TNR: variants seen among roughly 807,000 people sequenced by gnomAD.
TNR encodes tenascin-R.
A neutral mutation model predicts 150.4 loss-of-function variants in TNR; 45 were observed. The ratio of observed to expected loss-of-function variants is 0.30; its 90% CI spans 0.24 to 0.38. The LOEUF (loss-of-function observed/expected upper bound fraction) is 0.38. TNR is among the 10% of genes least tolerant of loss of function. TNR has a pLI of 1.00. For synonymous variants in TNR, 687 were observed against 678.4 expected, an observed-to-expected ratio of 1.01 and a Z score of -0.20; for missense variants, 1,544 against 1,759.1, an observed-to-expected ratio of 0.88 and a Z score of 2.19.
intron 2 of TNR, among the ~76,000 whole-genome samples, chr1:175,431,698 C>A (rs1655270393): frequency 6.6e-6 from 1 of 151,178 alleles, no homozygotes; most frequent in South Asian, 2.1e-4. Context: ...CCATGCTTTC[C>A]AGCACAGTCA....
At position 175,406,630 on chromosome 1, in the gene TNR, A is replaced by T. The variant is rs1335619286; in HGVS notation, c.85T>A (p.Ser29Thr). 7 of 1,614,094 alleles carry T rather than the reference A, an allele frequency of 4.3e-6. No homozygotes were observed. The Admixed American group carries it at 8.3e-5, about 19-fold the overall frequency. ...LILLGSMIKP[S>T]ECQLEVTTER... ...GTGGTGACCTCCAGCTGACACTCTG[A>T]AGGCTTGATCATGGAGCCCAGAAGG... The change falls in exon 3 of 23, where the codon TCA becomes ACA. Residue 29 changes from serine to threonine, a missense_variant. By Grantham distance (58) the Ser-to-Thr change is moderately conservative. Coordinates refer to ENST00000367674, the MANE Select transcript of TNR (RefSeq NM_003285.3).
chr1:175,527,650 G>A (rs575744530), intron 2 of TNR, among the ~76,000 whole-genome samples: 2 of 152,276 alleles, frequency 1.3e-5, no homozygotes, highest in South Asian at 4.2e-4. Flanking sequence ...AATATTCACT[G>A]TGCCTGACAA....
intron 2 of TNR, among the ~76,000 whole-genome samples, chr1:175,520,692 TTC>T (rs933368720): frequency 6.6e-6 from 1 of 151,620 alleles, no homozygotes; most frequent in Non-Finnish European, 1.5e-5. Context: ...CTCTCTCTCT[TTC>T]TCTCTCTCCC....
In TNR at chr1:175,331,054, TTTC is replaced by T. The variant is rs1557867699; in HGVS notation, c.3632-822_3632-820del. On this transcript the variant is annotated intron_variant, in intron 20 of 22. Coordinates refer to ENST00000367674, the MANE Select transcript of TNR (RefSeq NM_003285.3). ...CTTTCTTTCTTTCTTTCTTTCTTTC[TTTC>T]TTTCTTTCTTTCTTTCTTTCCTTCT... Among the ~76,000 whole-genome samples, 88 of 105,738 alleles carry T rather than the reference TTTC, an allele frequency of 8.3e-4. 1 individual carries two copies. Among genetic ancestry groups the T allele is most frequent in the African/African-American group, 3.3e-3 (85 of 25,972 alleles). The allele number at this position is 105,738 out of a possible 152,430, so 69.4% of individuals were successfully genotyped here. A position where few individuals can be genotyped will look rare whatever the true frequency, so the allele number is the denominator to read the frequency against.
chr1:175,434,490 G>T (rs1374131015), intron 2 of TNR, among the ~76,000 whole-genome samples: 1 of 152,052 alleles, frequency 6.6e-6, no homozygotes, highest in African/African-American at 2.4e-5. Context: ...TGACCTTCCC[G>T]CCATTTGCCC....
rs1167920642 is a variant in TNR at position 175,431,179 on chromosome 1, C to T, written c.-63-24402G>A. Among the ~76,000 whole-genome samples, 4 of 152,122 alleles carry T rather than the reference C, an allele frequency of 2.6e-5. No homozygotes were observed. In the East Asian group the frequency reaches 7.7e-4, roughly 29 times the overall value. ...ACTGCCTTCTCATTTGGGGACCATA[C>T]CAAATGGACCTTTAGGGAGGAATAA... On this transcript the variant is annotated intron_variant, in intron 2 of 22. Coordinates refer to ENST00000367674, the MANE Select transcript of TNR (RefSeq NM_003285.3).
intron 2 of TNR, among the ~76,000 whole-genome samples, chr1:175,525,988 T>C (rs1659833749): frequency 6.6e-6 from 1 of 151,712 alleles, no homozygotes; most frequent in Admixed American, 6.6e-5. Context: ...CATTGAACCA[T>C]TTGTTTATGT....
chr1:175,723,137 G>A (rs200415607), intron 1 of TNR, among the ~76,000 whole-genome samples: 1 of 136,522 alleles, frequency 7.3e-6, no homozygotes, highest in Non-Finnish European at 1.7e-5. Context: ...TACATGATTG[G>A]ATAGATAAAC....
intron 1 of TNR, among the ~76,000 whole-genome samples, chr1:175,624,698 G>A (rs118039372): frequency 4.6e-5 from 7 of 152,278 alleles, no homozygotes; most frequent in East Asian, 3.9e-4. Context: ...AATTTCTGTC[G>A]TTTTAAGCTG....
intron 2 of TNR, among the ~76,000 whole-genome samples, chr1:175,416,186 A>T (rs954545859): frequency 6.6e-6 from 1 of 152,134 alleles, no homozygotes; most frequent in Non-Finnish European, 1.5e-5. Flanking sequence ...ACACACATAC[A>T]CACATAAACA....
At chr1:175,679,693 C>T (rs1665972411) in intron 1 of TNR, among the ~76,000 whole-genome samples, 1 of 152,176 alleles carries the variant, frequency 6.6e-6, no homozygotes. Context: ...CCACTCAAGA[C>T]TGTCCATGAG....
At chr1:175,723,696 A>G (rs1354620922) in intron 1 of TNR, among the ~76,000 whole-genome samples, 1 of 152,090 alleles carries the variant, frequency 6.6e-6, no homozygotes, top group Admixed American at 6.6e-5. Context: ...ACATGGTGAA[A>G]CCCCGTCTCT....
intron 2 of TNR, among the ~76,000 whole-genome samples, chr1:175,421,042 A>C (rs1654735225): frequency 6.6e-6 from 1 of 152,040 alleles, no homozygotes; most frequent in South Asian, 2.1e-4. Flanking sequence ...CTTTCTGGAC[A>C]CTTATAGTTG....
intron 2 of TNR, among the ~76,000 whole-genome samples, chr1:175,464,513 G>T (rs907320525): frequency 1.3e-5 from 2 of 152,184 alleles, no homozygotes; most frequent in Non-Finnish European, 2.9e-5. Context: ...TGGAAAAGAC[G>T]CACACCTCAG....
intron 2 of TNR, among the ~76,000 whole-genome samples, chr1:175,470,998 T>C (rs1010627004): frequency 2.6e-5 from 4 of 152,128 alleles, no homozygotes; most frequent in South Asian, 2.1e-4. Flanking sequence ...CACTAGAAAT[T>C]TTAGCTGTTT....
intron 2 of TNR, among the ~76,000 whole-genome samples, chr1:175,434,373 T>C (rs6655978): frequency 0.078 from 11,849 of 152,114 alleles, 584 homozygotes; most frequent in East Asian, 0.25. Flanking sequence ...CTGATATTGC[T>C]CTGCTTCCTG....
intron 1 of TNR, among the ~76,000 whole-genome samples, chr1:175,703,050 G>A (rs1666742266): frequency 1.4e-5 from 2 of 147,514 alleles, no homozygotes; most frequent in Non-Finnish European, 1.5e-5. Context: ...AAGAAGGAAG[G>A]AAAGAAGTAA....
At chr1:175,640,977 G>T (rs1664640392) in intron 1 of TNR, among the ~76,000 whole-genome samples, 1 of 152,016 alleles carries the variant, frequency 6.6e-6, no homozygotes. Context: ...TGTTGATGTA[G>T]AAATTACTCA....
intron 1 of TNR, among the ~76,000 whole-genome samples, chr1:175,529,111 G>A (rs576840203): frequency 4.0e-4 from 61 of 152,252 alleles, no homozygotes; most frequent in Non-Finnish European, 6.6e-4. Flanking sequence ...CCAGGCCTCC[G>A]CTACACAATT....
Sources: allele counts gnomAD v4.1 joint callset (sites outside exome capture counted in the v4.1 genomes callset), GRCh38; gene constraint gnomAD v4.1.1; transcripts MANE v1.5; gene names NCBI Gene and HGNC (gene_info 2026-07-23, HGNC 2026-07-21).